MAP3K20: variants seen among roughly 807,000 people sequenced by gnomAD.
MAP3K20 encodes HCCS-4.
Under a neutral mutation model 85.7 loss-of-function variants are expected in MAP3K20, and 40 were observed. That is an observed-to-expected ratio of 0.47 (90% CI 0.36 to 0.61). MAP3K20 has a LOEUF of 0.61. Ranked by LOEUF, MAP3K20 falls within the 20% of genes least tolerant of loss-of-function variation. MAP3K20 has a pLI of 0.00. For synonymous variants in MAP3K20, 325 were observed against 327.7 expected, an observed-to-expected ratio of 0.99 and a Z score of 0.09; for missense variants, 817 against 961.7, an observed-to-expected ratio of 0.85 and a Z score of 1.99.
At chr2:173,096,263 A>C (rs1687456542) in intron 2 of MAP3K20, among the ~76,000 whole-genome samples, 1 of 151,902 alleles carries the variant, frequency 6.6e-6, no homozygotes, top group South Asian at 2.1e-4. Context: ...TGACCCACAC[A>C]TTTACTTTTA....
rs1289971749 is a variant in MAP3K20, at chr2:173,180,536, CGT to C, written c.248-2316_248-2315del. 2.0e-5 allele frequency among the ~76,000 whole-genome samples: 3 copies of C among 152,094 alleles called. No homozygotes were observed. The East Asian group carries it at 5.8e-4, about 29-fold the overall frequency. On this transcript the variant is annotated intron_variant, in intron 3 of 19. Coordinates refer to ENST00000375213, the MANE Select transcript of MAP3K20 (RefSeq NM_016653.3). ...AAAAATACAAATAAAAATTAGCCAGCGTGGTGATGTGCACCTGTAGTCCCAGC... is the reference window on the plus strand; with the variant it reads ...AAAAATACAAATAAAAATTAGCCAGCGGTGATGTGCACCTGTAGTCCCAGC...
chr2:173,120,034 G>A (rs112948048), intron 2 of MAP3K20, among the ~76,000 whole-genome samples: 2 of 152,134 alleles, frequency 1.3e-5, no homozygotes, highest in African/African-American at 2.4e-5. Flanking sequence ...CTCCCTCCCT[G>A]CCTTCCTGCC....
chr2:173,194,492 C>G (rs925086405), intron 7 of MAP3K20, among the ~76,000 whole-genome samples: 1 of 151,930 alleles, frequency 6.6e-6, no homozygotes, highest in East Asian at 1.9e-4. Flanking sequence ...TAGAAAAGAG[C>G]AGGTGAGGAT....
At chr2:173,188,673 T>C (rs954550970) in intron 5 of MAP3K20, among the ~76,000 whole-genome samples, 6 of 152,204 alleles carry the variant, frequency 3.9e-5, no homozygotes, top group African/African-American at 1.2e-4. Context: ...CTGCCACTTA[T>C]CAGTAGTCCA....
intron 11 of MAP3K20, chr2:173,222,533 AG>A: frequency 2.0e-6 from 2 of 985,766 alleles, no homozygotes; most frequent in Non-Finnish European, 2.4e-6. Context: ...GGATGCTTCC[AG>A]GGGGGTGAGT....
rs148841541 is a variant in MAP3K20, at chr2:173,090,583, G to A, written c.-34-415G>A. ...ATATTTTGTGTGAAGTGAGTGCAGC[G>A]TGGAGAGGTGGCATGCCTCAGATGC... is the stretch of plus-strand genomic sequence containing the variant. On this transcript the variant is annotated intron_variant, in intron 1 of 19. Transcript: ENST00000375213. 1,640 of 984,360 alleles carry A rather than the reference G, an allele frequency of 1.7e-3. 4 individuals are homozygous for A. The highest frequency in any genetic ancestry group is 1.8e-3 in the Non-Finnish European group (1,500 of 827,592). The allele number at this position is 984,360 out of a possible 1,614,324, so 61.0% of individuals were successfully genotyped here.
Position 173,261,133 on chromosome 2 carries a change from A to G in MAP3K20, c.1547A>G (p.Tyr516Cys). 1 of 1,613,522 alleles carries G rather than the reference A, an allele frequency of 6.2e-7. No homozygotes were observed. The highest frequency in any genetic ancestry group is 8.5e-7 in the Non-Finnish European group (1 of 1,179,560). Residue 516 changes from tyrosine (Y) to cysteine (C), a missense_variant, in exon 18 of 20, where the codon TAT (tyrosine) becomes TGT (cysteine). By Grantham distance (194) the Tyr-to-Cys change is radical. Transcript: ENST00000375213. ...CAGACTGTGGAGTGCACTGTCACAT[A>G]TGAGGTAAGCTCTGGGGGCAAGAGG... Reference protein sequence around the residue: ...KSQTVECTVTYESDVRTPKST... With the variant: ...KSQTVECTVTCESDVRTPKST...
chr2:173,134,303 G>A (rs191996396), intron 2 of MAP3K20, among the ~76,000 whole-genome samples: 1,615 of 137,854 alleles, frequency 0.012, 19 homozygotes, highest in Middle Eastern at 0.027. Context: ...GGTTCAAGCA[G>A]TTCTCCAGCT....
At chr2:173,150,755 G>A (rs1689282293) in intron 2 of MAP3K20, among the ~76,000 whole-genome samples, 1 of 151,982 alleles carries the variant, frequency 6.6e-6, no homozygotes, top group Non-Finnish European at 1.5e-5. Flanking sequence ...TAGCAGAGAC[G>A]GGGTTTCACC....
intron 2 of MAP3K20, among the ~76,000 whole-genome samples, chr2:173,148,844 T>C (rs1021890357): frequency 1.3e-5 from 2 of 152,224 alleles, no homozygotes; most frequent in African/African-American, 2.4e-5. Context: ...TGATGTTCGA[T>C]GATGAAGGGA....
chr2:173,134,658 A>G (rs1004390794), intron 2 of MAP3K20, among the ~76,000 whole-genome samples: 2 of 151,114 alleles, frequency 1.3e-5, no homozygotes, highest in African/African-American at 4.9e-5. Flanking sequence ...GGAGCTACAT[A>G]CATTGGAACT....
At chr2:173,217,513 A>G (rs575434520) in intron 11 of MAP3K20, among the ~76,000 whole-genome samples, 42 of 152,344 alleles carry the variant, frequency 2.8e-4, no homozygotes, top group African/African-American at 9.6e-4. Context: ...GTGTGTTTAT[A>G]TATTAGAATT....
rs544760926 is a variant in MAP3K20, at chr2:173,154,622, T to A, written c.160-15183T>A. 3.3e-5 allele frequency among the ~76,000 whole-genome samples: 5 copies of A among 152,326 alleles called. No individual in the cohort carries two copies. In the South Asian group the frequency reaches 8.3e-4, roughly 25 times the overall value. On this transcript the variant is annotated intron_variant, in intron 2 of 19. Coordinates refer to ENST00000375213, the MANE Select transcript of MAP3K20 (RefSeq NM_016653.3). The stretch of plus-strand genomic sequence containing the variant: ...TTAATAGGTACTTTTATTTTTCCCA[T>A]AATAGTGGGTAAGCCCTTGATAGCA...
intron 14 of MAP3K20, among the ~76,000 whole-genome samples, chr2:173,233,011 A>C (rs1219344247): frequency 6.6e-6 from 1 of 152,212 alleles, no homozygotes; most frequent in Non-Finnish European, 1.5e-5. Context: ...TCACAGGGAG[A>C]TAACCTGAAT....
At chr2:173,159,386 C>CT in intron 2 of MAP3K20, among the ~76,000 whole-genome samples, 1 of 100,620 alleles carries the variant, frequency 9.9e-6, no homozygotes, top group East Asian at 2.3e-4. Context: ...CTTTTCTTTT[C>CT]TTTCCTTCCT....
intron 2 of MAP3K20, among the ~76,000 whole-genome samples, chr2:173,161,643 T>C (rs1158598218): frequency 6.6e-6 from 1 of 152,074 alleles, no homozygotes; most frequent in Non-Finnish European, 1.5e-5. Context: ...TAGCAGACCA[T>C]AGGAGCAGAC....
At chr2:173,247,712 A>G (rs974422442) in intron 16 of MAP3K20, among the ~76,000 whole-genome samples, 3 of 152,216 alleles carry the variant, frequency 2.0e-5, no homozygotes, top group Non-Finnish European at 4.4e-5. Context: ...TATAAAAATA[A>G]TAACTAATAA....
intron 2 of MAP3K20, among the ~76,000 whole-genome samples, chr2:173,118,116 T>G (rs1005017617): frequency 5.9e-5 from 9 of 152,232 alleles, no homozygotes; most frequent in African/African-American, 1.7e-4. Flanking sequence ...AAAAGAGAAA[T>G]TCAGCCATTT....
intron 2 of MAP3K20, among the ~76,000 whole-genome samples, chr2:173,098,800 CT>C (rs1189965173): frequency 1.3e-5 from 2 of 151,966 alleles, no homozygotes; most frequent in Non-Finnish European, 2.9e-5. Flanking sequence ...GGATTTTATC[CT>C]TTTAGGTCAG....
Sources: allele counts gnomAD v4.1 joint callset (sites outside exome capture counted in the v4.1 genomes callset), GRCh38; gene constraint gnomAD v4.1.1; transcripts MANE v1.5; gene names NCBI Gene and HGNC (gene_info 2026-07-23, HGNC 2026-07-21).